Variants in SORT1 observed in about 807,000 individuals in gnomAD.
The protein encoded by SORT1 is sortilin 1.
Under a neutral mutation model 101.7 loss-of-function variants are expected in SORT1, and 39 were observed. That is an observed-to-expected ratio of 0.38 (90% CI 0.30 to 0.50). SORT1 has a LOEUF of 0.50. Ranked by LOEUF, SORT1 falls within the 20% of genes least tolerant of loss-of-function variation. The probability of loss-of-function intolerance (pLI) is 0.90; values close to 1 mark genes in which losing one functional copy is unlikely to be tolerated. For synonymous variants in SORT1, 396 were observed against 393.7 expected, an observed-to-expected ratio of 1.01 and a Z score of -0.07; for missense variants, 878 against 1,040.4, an observed-to-expected ratio of 0.84 and a Z score of 2.15.
chr1:109,357,869 A>C (rs1475447012), intron 3 of SORT1, among the ~76,000 whole-genome samples: 1 of 152,238 alleles, frequency 6.6e-6, no homozygotes, highest in Non-Finnish European at 1.5e-5. Context: ...TTTGCAGTAG[A>C]TCAGCTCTTA....
intron 1 of SORT1, among the ~76,000 whole-genome samples, chr1:109,384,627 T>G (rs144075676): frequency 0.01 from 1,589 of 152,282 alleles, 18 homozygotes; most frequent in Middle Eastern, 0.037. Context: ...CATTTTCAGT[T>G]GCTATAAGAG....
At chr1:109,317,218 C>G (rs1413400302) in intron 16 of SORT1, among the ~76,000 whole-genome samples, 7 of 152,114 alleles carry the variant, frequency 4.6e-5, no homozygotes, top group East Asian at 1.9e-4. Flanking sequence ...CCAAAGAAAT[C>G]TGACCCCAAA....
At chr1:109,371,072 G>T (rs557941937) in intron 1 of SORT1, among the ~76,000 whole-genome samples, 14 of 152,342 alleles carry the variant, frequency 9.2e-5, no homozygotes, top group Non-Finnish European at 2.1e-4. Flanking sequence ...GATGTCAAAA[G>T]AATCTCTTAC....
chr1:109,361,781 T>C (rs954713431), intron 3 of SORT1, among the ~76,000 whole-genome samples: 1 of 152,230 alleles, frequency 6.6e-6, no homozygotes, highest in Non-Finnish European at 1.5e-5. Context: ...CCCAAATCAG[T>C]ACTCATGGTC....
intron 11 of SORT1, among the ~76,000 whole-genome samples, chr1:109,333,955 GCC>G (rs1232942135): frequency 6.6e-6 from 1 of 152,150 alleles, no homozygotes; most frequent in Non-Finnish European, 1.5e-5. Context: ...GACCAGCCTG[GCC>G]AATATGGTGA....
Position 109,313,463 on chromosome 1 carries a change from G to GAA in SORT1, c.*578_*579dup, listed in dbSNP as rs111233099. On this transcript the variant is annotated 3_prime_UTR_variant, in exon 20 of 20. Coordinates refer to ENST00000256637, the MANE Select transcript of SORT1 (RefSeq NM_002959.7). ...AAAATCACTGTGGTCTGTGGTCTCT[G>GAA]AAAAAAAAAAAAAGAGTAAGTGGGA... The GAA allele has an allele frequency of 1.4e-5, 2 of 143,752 alleles. No homozygotes were observed. The highest frequency in any genetic ancestry group is 7.0e-5 in the Admixed American group (1 of 14,342). 8.9% of individuals were successfully genotyped at this position (143,752 alleles called of 1,614,324 possible). A position where few individuals can be genotyped will look rare whatever the true frequency, so the allele number is the denominator to read the frequency against.
chr1:109,392,212 A>G (rs1455243463), intron 1 of SORT1, among the ~76,000 whole-genome samples: 4 of 152,222 alleles, frequency 2.6e-5, no homozygotes, highest in Non-Finnish European at 5.9e-5. Flanking sequence ...CCTGACCATT[A>G]CAACTTGGTG....
Position 109,397,623 on chromosome 1 carries a change from C to G in SORT1, c.270G>C (p.Arg90=). Residue 90 remains arginine, a synonymous_variant, in exon 1 of 20, where the codon CGG becomes CGC. Coordinates refer to ENST00000256637, the MANE Select transcript of SORT1 (RefSeq NM_002959.7). The part of the protein sequence containing the change: ...PGEDEECGRV[R]DFVAKLANNT... ...TGTTGGCCAGCTTGGCGACGAAGTCCCGGACCCGGCCGCACTCCTCGTCCT... is the reference window on the plus strand; with the variant it reads ...TGTTGGCCAGCTTGGCGACGAAGTCGCGGACCCGGCCGCACTCCTCGTCCT... 1 of 1,285,586 alleles carries G rather than the reference C, an allele frequency of 7.8e-7. No individual in the cohort carries two copies. Among genetic ancestry groups the G allele is most frequent in the South Asian group, 1.6e-5 (1 of 64,478 alleles). The allele number at this position is 1,285,586 out of a possible 1,614,324, so 79.6% of individuals were successfully genotyped here.
intron 8 of SORT1, among the ~76,000 whole-genome samples, 200 bp from the exon 9 acceptor site, chr1:109,342,358 T>C (rs773219100): frequency 3.3e-5 from 5 of 152,234 alleles, no homozygotes; most frequent in Non-Finnish European, 5.9e-5. Flanking sequence ...CAATCCATTC[T>C]ATTCTAAGTA....
rs1470149367 is a variant in SORT1 at position 109,325,068 on chromosome 1, T to C, written c.1665A>G (p.Gln555=). The change falls in exon 14 of 20, where the codon CAA becomes CAG. Residue 555 remains glutamine, a synonymous_variant. Transcript: ENST00000256637. ...TGGTGAACGTGTAGGTTTGCCAGCA[T>C]TGACCTTCGTCTGTGGAGAACCTGA... ...NVIKFSTDEG[Q]CWQTYTFTRD... 5.6e-6 allele frequency: 9 copies of C among 1,612,270 alleles called. No individual in the cohort carries two copies. The highest frequency in any genetic ancestry group is 2.7e-5 in the African/African-American group (2 of 74,960).
chr1:109,371,844 CA>C (rs1263955296), intron 1 of SORT1, among the ~76,000 whole-genome samples: 4 of 152,164 alleles, frequency 2.6e-5, no homozygotes. Flanking sequence ...TCCAAATAAC[CA>C]ATGAAGATTT....
intron 5 of SORT1, among the ~76,000 whole-genome samples, chr1:109,351,919 T>G (rs1386690511): frequency 6.6e-6 from 1 of 151,336 alleles, no homozygotes; most frequent in Non-Finnish European, 1.5e-5. Flanking sequence ...GAAGCTAGCA[T>G]AGTAGAACGG....
chr1:109,350,815 A>AC (rs1649909981), intron 6 of SORT1, 114 bp downstream of exon 6: 1 of 766,760 alleles, frequency 1.3e-6, no homozygotes, highest in Admixed American at 1.8e-5. Flanking sequence ...CTCTTATGGC[A>AC]CCCTGAAGAG....
intron 1 of SORT1, among the ~76,000 whole-genome samples, chr1:109,376,021 CT>C (rs1344685781): frequency 6.6e-6 from 1 of 152,128 alleles, no homozygotes; most frequent in Non-Finnish European, 1.5e-5. Context: ...TGTTCAGCCC[CT>C]GTGAAAAGCG....
intron 3 of SORT1, among the ~76,000 whole-genome samples, chr1:109,365,158 T>C (rs1650994634): frequency 6.6e-6 from 1 of 152,226 alleles, no homozygotes; most frequent in Non-Finnish European, 1.5e-5. Flanking sequence ...AATTTTCAAA[T>C]GTCCTATAAT....
At chr1:109,339,254 C>T (rs190921419) in intron 10 of SORT1, among the ~76,000 whole-genome samples, 62 of 152,282 alleles carry the variant, frequency 4.1e-4, no homozygotes, top group African/African-American at 1.3e-3. Flanking sequence ...ATACTTAAGG[C>T]TCAGTCTTAA....
chr1:109,379,623 T>A (rs188238466), intron 1 of SORT1, among the ~76,000 whole-genome samples: 4 of 152,144 alleles, frequency 2.6e-5, no homozygotes, highest in African/African-American at 9.7e-5. Flanking sequence ...TACCCTAGGA[T>A]AGGAAGCACA....
At chr1:109,394,463 A>G (rs1653081818) in intron 1 of SORT1, among the ~76,000 whole-genome samples, 1 of 152,228 alleles carries the variant, frequency 6.6e-6, no homozygotes, top group African/African-American at 2.4e-5. Flanking sequence ...GGCTTGGGCA[A>G]AGAGAAAAAC....
intron 15 of SORT1, among the ~76,000 whole-genome samples, chr1:109,321,740 C>T (rs1237672348): frequency 6.6e-6 from 1 of 152,198 alleles, no homozygotes; most frequent in Non-Finnish European, 1.5e-5. Flanking sequence ...TTAGGATCTA[C>T]TTTTATCTTG....
Sources: gnomAD v4.1 joint callset for allele counts (sites outside exome capture counted in the v4.1 genomes callset) on GRCh38, gnomAD v4.1.1 for gene constraint, MANE v1.5 for transcripts, NCBI Gene and HGNC (gene_info 2026-07-23, HGNC 2026-07-21) for gene names.